The following INSR variants were observed in gnomAD, a reference collection of about 807,000 sequenced individuals.
INSR encodes the protein insulin receptor, also known as IR.
INSR carries 67 observed loss-of-function variants against 142.6 expected under a neutral mutation model. The observed-to-expected ratio is 0.47, with a 90% CI of 0.39 to 0.58. The LOEUF (loss-of-function observed/expected upper bound fraction) is 0.58, where lower values mean the gene tolerates loss of function less well. Ranked by LOEUF, INSR falls within the 20% of genes least tolerant of loss-of-function variation. The pLI is 0.00. For missense variants in INSR, 1,248 were observed against 1,833.2 expected, an observed-to-expected ratio of 0.68 and a Z score of 5.83; for synonymous variants, 756 against 743.1, an observed-to-expected ratio of 1.02 and a Z score of -0.28.
At chr19:7,208,848 CA>C (rs1169944737) in intron 2 of INSR, among the ~76,000 whole-genome samples, 1 of 151,994 alleles carries the variant, frequency 6.6e-6, no homozygotes, top group Non-Finnish European at 1.5e-5. Flanking sequence ...ACTAAAAATA[CA>C]AAAATTAGCT....
intron 2 of INSR, among the ~76,000 whole-genome samples, chr19:7,255,354 G>A (rs1236692951): frequency 6.6e-6 from 1 of 152,058 alleles, no homozygotes; most frequent in Admixed American, 6.6e-5. Flanking sequence ...TGACCTTCAT[G>A]ACGGCATTGG....
In INSR at chr19:7,119,378, C is replaced by A. The variant is rs1972420126; in HGVS notation, c.3794+71G>T. ...CGTGTAGACATAGGAAAGGCAAAACCAAGCACACGTGTAAAGGGCAATACC... is the reference window on the plus strand; with the variant it reads ...CGTGTAGACATAGGAAAGGCAAAACAAAGCACACGTGTAAAGGGCAATACC... On this transcript the variant is annotated intron_variant, in intron 21 of 21. Transcript: ENST00000302850. The surrounding 1 kb of genome is among the most constrained non-coding windows in gnomAD (Gnocchi z 5.2). The A allele has an allele frequency of 6.3e-7, 1 of 1,588,638 alleles. No homozygotes were observed. Among genetic ancestry groups the A allele is most frequent in the Non-Finnish European group, 8.6e-7 (1 of 1,157,802 alleles).
intron 2 of INSR, among the ~76,000 whole-genome samples, chr19:7,200,624 A>G (rs1292803176): frequency 6.6e-6 from 1 of 152,082 alleles, no homozygotes; most frequent in Non-Finnish European, 1.5e-5. Flanking sequence ...GGATTGCTTG[A>G]GCCTAGGAGT....
intron 9 of INSR, among the ~76,000 whole-genome samples, chr19:7,161,041 A>T (rs1040456429): frequency 2.0e-5 from 3 of 149,806 alleles, no homozygotes; most frequent in Non-Finnish European, 4.4e-5. Flanking sequence ...TTTTAAACTA[A>T]TGTATACACA....
In INSR at chr19:7,291,207, G is replaced by A. The variant is rs140645339; in HGVS notation, c.100+2585C>T. Among the ~76,000 whole-genome samples the A allele has an allele frequency of 1.8e-3, 279 of 152,298 alleles. 1 individual carries two copies. The highest frequency in any genetic ancestry group is 6.4e-3 in the African/African-American group (266 of 41,558). ...TTCACCATCACCCCAATCGTGGGGG[G>A]TACGGAGGCTCGGACTCAAAAGAAC... On this transcript the variant is annotated intron_variant, in intron 1 of 21. Coordinates refer to ENST00000302850, the MANE Select transcript of INSR (RefSeq NM_000208.4).
chr19:7,238,413 A>G (rs1279774098), intron 2 of INSR, among the ~76,000 whole-genome samples: 3 of 152,068 alleles, frequency 2.0e-5, no homozygotes, highest in Non-Finnish European at 2.9e-5. Context: ...TGAGGTCATG[A>G]GTTCAAGACC....
chr19:7,177,167 C>T (rs1477896015), intron 3 of INSR, among the ~76,000 whole-genome samples: 1 of 152,108 alleles, frequency 6.6e-6, no homozygotes, highest in Non-Finnish European at 1.5e-5. Flanking sequence ...CCAGGATGGG[C>T]ACAAGATCCA....
rs1182803299 is a variant in INSR at position 7,197,916 on chromosome 19, AGAGTGTGTGT to A, written c.653-13289_653-13280del. Among the ~76,000 whole-genome samples the A allele has an allele frequency of 2.7e-4, 19 of 71,302 alleles. 1 individual carries two copies. Among genetic ancestry groups the A allele is most frequent in the African/African-American group, 8.9e-4 (11 of 12,376 alleles). The allele number at this position is 71,302 out of a possible 152,430, so 46.8% of individuals were successfully genotyped here. A position where few individuals can be genotyped will look rare whatever the true frequency, so the allele number is the denominator to read the frequency against. On this transcript the variant is annotated intron_variant, in intron 2 of 21. Coordinates refer to ENST00000302850, the MANE Select transcript of INSR (RefSeq NM_000208.4). ...CCCAGGATTGGTCGGTTCCAGAGTGAGAGTGTGTGTGTGTGTGTGTGTGTGTGTGTGTCCC... is the reference window on the plus strand; with the variant it reads ...CCCAGGATTGGTCGGTTCCAGAGTGAGTGTGTGTGTGTGTGTGTGTGTCCC...
chr19:7,242,765 T>C (rs564133800), intron 2 of INSR, among the ~76,000 whole-genome samples: 1 of 138,246 alleles, frequency 7.2e-6, no homozygotes, highest in East Asian at 2.2e-4. Context: ...CAGCTACAAC[T>C]CTGCAACTCT....
intron 2 of INSR, among the ~76,000 whole-genome samples, chr19:7,202,046 C>T (rs1003659354): frequency 3.3e-5 from 5 of 152,172 alleles, no homozygotes; most frequent in African/African-American, 4.8e-5. Flanking sequence ...CCCTCTAAAA[C>T]AGCACTGTCC....
chr19:7,273,257 C>T (rs996681919), intron 1 of INSR, among the ~76,000 whole-genome samples: 1 of 152,096 alleles, frequency 6.6e-6, no homozygotes, highest in Non-Finnish European at 1.5e-5. Flanking sequence ...ACTCTTAATT[C>T]ATTAAAGCCG....
At chr19:7,154,788 G>C (rs574466451) in intron 9 of INSR, among the ~76,000 whole-genome samples, 1 of 151,958 alleles carries the variant, frequency 6.6e-6, no homozygotes, top group Admixed American at 6.6e-5. Flanking sequence ...GCCGGGCGTG[G>C]TGGTGGGTGC....
At chr19:7,145,712 C>T (rs1973169706) in intron 11 of INSR, among the ~76,000 whole-genome samples, 1 of 152,246 alleles carries the variant, frequency 6.6e-6, no homozygotes, top group South Asian at 2.1e-4. Context: ...AGCCCATGGG[C>T]CATAGTTTGC....
chr19:7,252,763 T>C (rs1179765898), intron 2 of INSR, among the ~76,000 whole-genome samples: 1 of 152,084 alleles, frequency 6.6e-6, no homozygotes, highest in Non-Finnish European at 1.5e-5. Flanking sequence ...CATGGAGTCA[T>C]TAAAGATCCA....
intron 13 of INSR, among the ~76,000 whole-genome samples, chr19:7,136,634 C>A (rs1319343202): frequency 6.6e-6 from 1 of 151,926 alleles, no homozygotes; most frequent in African/African-American, 2.4e-5. Context: ...ACCCCAATCC[C>A]ACCCAGACCA....
At chr19:7,218,728 CA>C (rs1975511753) in intron 2 of INSR, among the ~76,000 whole-genome samples, 1 of 152,030 alleles carries the variant, frequency 6.6e-6, no homozygotes, top group Non-Finnish European at 1.5e-5. Flanking sequence ...ATTTTTTGTA[CA>C]GATGGGGTTT....
At chr19:7,132,514 G>C (rs948531346) in intron 13 of INSR, among the ~76,000 whole-genome samples, 197 bp from the exon 14 acceptor site, 2 of 152,162 alleles carry the variant, frequency 1.3e-5, no homozygotes, top group Middle Eastern at 3.2e-3. Flanking sequence ...GATATATGCA[G>C]AGGTTATCAT....
chr19:7,122,463 A>G, intron 19 of INSR, 151 bp downstream of exon 19: 1 of 865,768 alleles, frequency 1.2e-6, no homozygotes. Context: ...AAAAAGACAA[A>G]ACAAAACAAA....
At chr19:7,151,214 C>T (rs549284462) in intron 10 of INSR, among the ~76,000 whole-genome samples, 4 of 132,266 alleles carry the variant, frequency 3.0e-5, no homozygotes, top group African/African-American at 9.0e-5. Flanking sequence ...CTTTCTTTTT[C>T]TTTCTCTCTT....
Sources: allele counts gnomAD v4.1 joint callset (sites outside exome capture counted in the v4.1 genomes callset), GRCh38; gene constraint gnomAD v4.1.1; non-coding constraint Gnocchi (gnomAD v3.1); transcripts MANE v1.5; gene names NCBI Gene and HGNC (gene_info 2026-07-23, HGNC 2026-07-21).